Variants in COCH observed in about 807,000 individuals in gnomAD.
COCH encodes coagulation factor C homolog, cochlin (Limulus polyphemus).
A neutral mutation model predicts 54.8 loss-of-function variants in COCH; 40 were observed. That is an observed-to-expected ratio of 0.73 (90% CI 0.57 to 0.95). The LOEUF (loss-of-function observed/expected upper bound fraction) is 0.95, where lower values mean the gene tolerates loss of function less well. Ranked by LOEUF, COCH falls within the 40% of genes least tolerant of loss-of-function variation. The probability of loss-of-function intolerance (pLI) is 0.00; values close to 1 mark genes in which losing one functional copy is unlikely to be tolerated. For synonymous variants in COCH, 256 were observed against 237.9 expected, an observed-to-expected ratio of 1.08 and a Z score of -0.70; for missense variants, 605 against 675.0, an observed-to-expected ratio of 0.90 and a Z score of 1.15.
chr14:30,880,755 G>C, intron 8 of COCH, 21 bp downstream of exon 8: 1 of 1,591,158 alleles, frequency 6.3e-7, no homozygotes, highest in Non-Finnish European at 8.6e-7. Flanking sequence ...TGTTAAAATG[G>C]GAGATTTAAA....
Position 30,880,597 on chromosome 14 carries a change from A to G in COCH, c.492A>G (p.Ala164=), listed in dbSNP as rs1435845855. 6.2e-7 allele frequency: 1 copy of G among 1,614,176 alleles called. No individual in the cohort carries two copies. Among genetic ancestry groups the G allele is most frequent in the South Asian group, 1.1e-5 (1 of 91,076 alleles). Residue 164 remains alanine (A), a synonymous_variant, in exon 8 of 12, where the codon GCA becomes GCG. Coordinates refer to ENST00000396618, the MANE Select transcript of COCH (RefSeq NM_004086.3). The part of the protein sequence containing the change: ...EKKTGNKDCK[A]DIAFLIDGSF... ...TTTGGTTGTTCGCAGATTGTAAAGC[A>G]GACATTGCATTTCTGATTGATGGAA...
In COCH at chr14:30,880,502, A is replaced by C. The variant is rs1229735101; in HGVS notation, c.481+6A>C. On this transcript the variant is annotated splice_donor_region_variant and intron_variant, in intron 7 of 11. Transcript: ENST00000396618. ...GAAGAAAACTGGCAATAAAGGTAAGAATCAAGATCTCCATTTGGGAAGGTA... is the reference window on the plus strand; with the variant it reads ...GAAGAAAACTGGCAATAAAGGTAAGCATCAAGATCTCCATTTGGGAAGGTA... 6.2e-7 allele frequency: 1 copy of C among 1,614,044 alleles called. No individual in the cohort carries two copies. Among genetic ancestry groups the C allele is most frequent in the Non-Finnish European group, 8.5e-7 (1 of 1,180,032 alleles).
intron 1 of COCH, 154 bp from the exon 2 acceptor site, chr14:30,874,762 C>T (rs1406052070): frequency 5.5e-6 from 4 of 721,560 alleles, no homozygotes; most frequent in Non-Finnish European, 9.5e-6. Flanking sequence ...AGGCGCCTCC[C>T]AGACCTAGAG....
intron 11 of COCH, among the ~76,000 whole-genome samples, chr14:30,887,166 G>GGA (rs1895818027): frequency 6.6e-6 from 1 of 152,076 alleles, no homozygotes; most frequent in South Asian, 2.1e-4. Flanking sequence ...GCTGAGGTGG[G>GGA]CGGGATCACC....
chr14:30,890,696 G>GT (rs1009305013), downstream of COCH: 3 of 467,834 alleles, frequency 6.4e-6, no homozygotes. Context: ...AATCTGAATT[G>GT]TTTTTTAAAT....
intron 3 of COCH, chr14:30,875,405 G>C: frequency 1.7e-6 from 1 of 596,910 alleles, no homozygotes; most frequent in Admixed American, 3.0e-5. Context: ...GCTGAGCGCC[G>C]GCAGCAGGAG....
At chr14:30,893,044 A>T (rs1896024044), downstream of COCH, among the ~76,000 whole-genome samples, 1 of 152,160 alleles carries the variant, frequency 6.6e-6, no homozygotes, top group Admixed American at 6.5e-5. Context: ...GAAAAGTTTC[A>T]AAATATTGTT....
At chr14:30,880,997 C>T (rs144448169) in intron 8 of COCH, among the ~76,000 whole-genome samples, 38 of 152,024 alleles carry the variant, frequency 2.5e-4, no homozygotes, top group South Asian at 4.2e-4. Flanking sequence ...GTGTGGATCA[C>T]CTGAGGTCAG....
chr14:30,878,499 A>C (rs1292426410), intron 4 of COCH, among the ~76,000 whole-genome samples: 1 of 152,146 alleles, frequency 6.6e-6, no homozygotes, highest in African/African-American at 2.4e-5. Context: ...TCTACTAAAA[A>C]TACAAAAATT....
intron 8 of COCH, among the ~76,000 whole-genome samples, chr14:30,881,976 TAA>T (rs972397386): frequency 3.1e-5 from 4 of 129,698 alleles, no homozygotes; most frequent in Non-Finnish European, 6.3e-5. Flanking sequence ...AAAATAAAAA[TAA>T]AAATAAATAA....
At chr14:30,880,900 T>G (rs1192570782) in intron 8 of COCH, among the ~76,000 whole-genome samples, 166 bp downstream of exon 8, 1 of 152,210 alleles carries the variant, frequency 6.6e-6, no homozygotes, top group African/African-American at 2.4e-5. Flanking sequence ...ATTGATCATT[T>G]CTTTGTGTTG....
At chr14:30,875,948 C>G (rs1235856918) in intron 3 of COCH, 1 of 152,124 alleles carries the variant, frequency 6.6e-6, no homozygotes, top group Admixed American at 6.5e-5. Context: ...AGGATTTTAA[C>G]CTCTCAGCTC....
rs995768209 is a variant in COCH, at chr14:30,886,110, C to A, written c.1275C>A (p.Ser425Arg). 2.5e-6 allele frequency: 4 copies of A among 1,613,820 alleles called. No individual in the cohort carries two copies. The African/African-American group carries it at 5.3e-5, about 22-fold the overall frequency. ...CGGAGTTCAGTTTCACTGACTATAG[C>A]ACCAAAGAGAATGTCCTAGCTGTCA... ...QRTEFSFTDY[S>R]TKENVLAVIR... Residue 425 changes from serine to arginine, a missense_variant, in exon 11 of 12, where the codon AGC (serine) becomes AGA (arginine). Ser to Arg is a moderately radical substitution (Grantham distance 110). Transcript: ENST00000396618.
In COCH at chr14:30,885,833, T is replaced by C; in HGVS notation, c.998T>C (p.Met333Thr). ...AATAATGGCTTCTTCTCTTACCACA[T>C]GCCCAACTGGTTTGGCACCACAAAA... ...CRNNGFFSYHMPNWFGTTKYV... is the reference protein window; with the variant it reads ...CRNNGFFSYHTPNWFGTTKYV... The change falls in exon 11 of 12, where the codon ATG becomes ACG. Residue 333 changes from methionine (M) to threonine (T), a missense_variant. Coordinates refer to ENST00000396618, the MANE Select transcript of COCH (RefSeq NM_004086.3). 6.2e-7 allele frequency: 1 copy of C among 1,614,162 alleles called. No individual in the cohort carries two copies. Among genetic ancestry groups the C allele is most frequent in the Non-Finnish European group, 8.5e-7 (1 of 1,180,004 alleles).
chr14:30,884,792 T>C (rs1895724805), intron 9 of COCH, 136 bp downstream of exon 9: 2 of 1,321,686 alleles, frequency 1.5e-6, no homozygotes, highest in African/African-American at 1.5e-5. Flanking sequence ...AGGTCTGCAT[T>C]TGATCATCTG....
intron 8 of COCH, among the ~76,000 whole-genome samples, chr14:30,883,750 C>T (rs1016757990): frequency 6.6e-6 from 1 of 152,142 alleles, no homozygotes; most frequent in African/African-American, 2.4e-5. Flanking sequence ...TCAAAACGGT[C>T]TCTGCTGAAC....
chr14:30,885,897 A>G lies in COCH; in HGVS notation c.1062A>G (p.Glu354=). 1 of 1,614,192 alleles carries G rather than the reference A, an allele frequency of 6.2e-7. No individual in the cohort carries two copies. Among genetic ancestry groups the G allele is most frequent in the Non-Finnish European group, 8.5e-7 (1 of 1,180,002 alleles). ...TGGTACAGAAGCTGTGCACTCATGA[A>G]CAAATGATGTGCAGCAAGACCTGTT... is the stretch of plus-strand genomic sequence containing the variant. The part of the protein sequence containing the change: ...KPLVQKLCTH[E]QMMCSKTCYN... Residue 354 remains glutamate (E), a synonymous_variant, in exon 11 of 12, where the codon GAA becomes GAG. Coordinates refer to ENST00000396618, the MANE Select transcript of COCH (RefSeq NM_004086.3).
At chr14:30,892,984 C>T (rs1232437732), downstream of COCH, among the ~76,000 whole-genome samples, 1 of 151,994 alleles carries the variant, frequency 6.6e-6, no homozygotes, top group Admixed American at 6.6e-5. Flanking sequence ...TTCTAGTGTT[C>T]CCTTCTAATT....
intron 6 of COCH, 100 bp downstream of exon 6, chr14:30,879,585 A>G: frequency 4.9e-6 from 6 of 1,228,184 alleles, no homozygotes; most frequent in Middle Eastern, 1.9e-4. Context: ...GAAATTTGAT[A>G]TTAAAGAGAA....
Sources: allele counts gnomAD v4.1 joint callset (sites outside exome capture counted in the v4.1 genomes callset), GRCh38; gene constraint gnomAD v4.1.1; transcripts MANE v1.5; gene names NCBI Gene and HGNC (gene_info 2026-07-23, HGNC 2026-07-21).